The following TNRC6A variants were observed in gnomAD, a reference collection of about 807,000 sequenced individuals.
The protein encoded by TNRC6A is trinucleotide repeat containing adaptor 6A.
A neutral mutation model predicts 221.2 loss-of-function variants in TNRC6A; 44 were observed. The ratio of observed to expected loss-of-function variants is 0.20; its 90% CI spans 0.16 to 0.26. The LOEUF is 0.26. Among genes scored for constraint, TNRC6A ranks in the 10% least tolerant of loss-of-function variants. The pLI is 1.00. For missense variants in TNRC6A, 2,199 were observed against 2,404.4 expected, an observed-to-expected ratio of 0.91 and a Z score of 1.79; for synonymous variants, 847 against 838.5, an observed-to-expected ratio of 1.01 and a Z score of -0.18.
chr16:24,637,933 C>T (rs1042985621), intron 1 of TNRC6A, among the ~76,000 whole-genome samples: 7 of 152,088 alleles, frequency 4.6e-5, no homozygotes, highest in South Asian at 2.1e-4. Flanking sequence ...TACCAGCTCG[C>T]GCCACCACAC....
At chr16:24,696,214 G>A (rs547693812) in intron 2 of TNRC6A, among the ~76,000 whole-genome samples, 2 of 152,084 alleles carry the variant, frequency 1.3e-5, no homozygotes, top group Non-Finnish European at 2.9e-5. Context: ...TGGGCGTGGT[G>A]GCGGGCGCCT....
At chr16:24,645,520 C>T (rs1264869645) in intron 2 of TNRC6A, among the ~76,000 whole-genome samples, 3 of 150,808 alleles carry the variant, frequency 2.0e-5, no homozygotes, top group African/African-American at 7.3e-5. Context: ...AAAACAAAAA[C>T]CTACTTCTGT....
Position 24,791,813 on chromosome 16 carries a change from C to G in TNRC6A, c.3171C>G (p.Gly1057=). Residue 1057 remains glycine (G), a synonymous_variant, in exon 6 of 25, where the codon GGC becomes GGG. Coordinates refer to ENST00000395799, the MANE Select transcript of TNRC6A (RefSeq NM_014494.4). ...SAISNKEASS[G]SGWGEPWGEP... is the part of the protein sequence containing the mutation. ...TCTCAAACAAAGAGGCAAGCAGTGG[C>G]TCTGGTAAGTTTCTATTTTATGAAA... 6.5e-7 allele frequency: 1 copy of G among 1,528,112 alleles called. No individual in the cohort carries two copies. Among genetic ancestry groups the G allele is most frequent in the Non-Finnish European group, 8.7e-7 (1 of 1,143,048 alleles). 94.7% of individuals were successfully genotyped at this position (1,528,112 alleles called of 1,614,324 possible).
Position 24,809,492 on chromosome 16 carries a change from TAC to T in TNRC6A, c.4672+13_4672+14del. The T allele has an allele frequency of 7.3e-7, 1 of 1,370,688 alleles. No individual in the cohort carries two copies. Among genetic ancestry groups the T allele is most frequent in the East Asian group, 2.6e-5 (1 of 38,514 alleles). The allele number at this position is 1,370,688 out of a possible 1,614,324, so 84.9% of individuals were successfully genotyped here. A position where few individuals can be genotyped will look rare whatever the true frequency, so the allele number is the denominator to read the frequency against. ...ACTCCAGCAAACATGGTACAAAAGA[TAC>T]ATCTTACCAAAAAAAAAAAAAAAAC... On this transcript the variant is annotated intron_variant, in intron 18 of 24. Transcript: ENST00000395799.
chr16:24,750,796 G>A lies in TNRC6A; in HGVS notation c.124G>A (p.Glu42Lys), dbSNP rs1567422876. Residue 42 changes from glutamate (E) to lysine (K), a missense_variant, in exon 3 of 25, where the codon GAA (glutamate) becomes AAA (lysine). Physicochemically the swap from Glu to Lys is moderately conservative, Grantham distance 56 (BLOSUM62 1). Coordinates refer to ENST00000395799, the MANE Select transcript of TNRC6A (RefSeq NM_014494.4). Reference protein sequence around the residue: ...KKKKDDKKKKEAAQKKATEQK... With the variant: ...KKKKDDKKKKKAAQKKATEQK... ...GAAAAAAGACGACAAGAAAAAGAAG[G>A]AAGCTGCTCAAAAGAAGGTAGTATG... 1 of 1,561,658 alleles carries A rather than the reference G, an allele frequency of 6.4e-7. No individual in the cohort carries two copies.
At chr16:24,821,268 C>T (rs2152111576) in intron 22 of TNRC6A, among the ~76,000 whole-genome samples, 1 of 152,278 alleles carries the variant, frequency 6.6e-6, no homozygotes, top group East Asian at 1.9e-4. Flanking sequence ...AGACTGGCAG[C>T]ACACAGCGAG....
rs1279345422 is a variant in TNRC6A at position 24,790,124 on chromosome 16, G to A, written c.1482G>A (p.Gln494=). Residue 494 remains glutamine, a synonymous_variant, in exon 6 of 25, where the codon CAG becomes CAA. Coordinates refer to ENST00000395799, the MANE Select transcript of TNRC6A (RefSeq NM_014494.4). Reference sequence around the variant, plus strand: ...GCACAATGAATCATCCTCAGATGCAGGCTCCATCAGGTATGAATGGCACTT... The same window carrying A: ...GCACAATGAATCATCCTCAGATGCAAGCTCCATCAGGTATGAATGGCACTT... ...RVSTMNHPQM[Q]APSGMNGTSL... The A allele has an allele frequency of 6.2e-7, 1 of 1,614,102 alleles. No homozygotes were observed. The highest frequency in any genetic ancestry group is 2.2e-5 in the East Asian group (1 of 44,894).
chr16:24,776,333 G>A (rs1340037340), intron 4 of TNRC6A: 11 of 984,220 alleles, frequency 1.1e-5, no homozygotes, highest in South Asian at 4.7e-5. Flanking sequence ...CATAGATAAC[G>A]TTATCTTTGT....
At chr16:24,804,553 T>C (rs1302114976) in intron 12 of TNRC6A, 152 bp from the exon 13 acceptor site, 14 of 1,270,826 alleles carry the variant, frequency 1.1e-5, no homozygotes, top group Admixed American at 2.7e-5. Context: ...TTGTGTGCTC[T>C]AGAATTAACA....
intron 1 of TNRC6A, chr16:24,610,627 A>G (rs1259169516): frequency 1.3e-5 from 2 of 152,260 alleles, no homozygotes; most frequent in African/African-American, 2.4e-5. Context: ...GCCCTGCCAA[A>G]CAGACGCAGC....
chr16:24,732,140 A>G (rs1246109531), intron 2 of TNRC6A, among the ~76,000 whole-genome samples: 2 of 152,242 alleles, frequency 1.3e-5, no homozygotes, highest in Non-Finnish European at 2.9e-5. Context: ...GGCAGTGTGT[A>G]CTAAGGATCC....
intron 1 of TNRC6A, among the ~76,000 whole-genome samples, chr16:24,625,795 C>G (rs2141634556): frequency 6.6e-6 from 1 of 150,990 alleles, no homozygotes; most frequent in Non-Finnish European, 1.5e-5. Context: ...GCTTGTAATC[C>G]CAGCTACTCA....
intron 2 of TNRC6A, among the ~76,000 whole-genome samples, chr16:24,657,163 A>G (rs557224108): frequency 6.6e-6 from 1 of 151,630 alleles, no homozygotes; most frequent in East Asian, 2.0e-4. Flanking sequence ...AAAATACAAA[A>G]ATTAGCCAGG....
intron 3 of TNRC6A, among the ~76,000 whole-genome samples, chr16:24,753,465 G>C (rs2057181350): frequency 6.6e-6 from 1 of 152,192 alleles, no homozygotes; most frequent in African/African-American, 2.4e-5. Context: ...AAATTAGACT[G>C]TTCTCCAAAT....
intron 2 of TNRC6A, among the ~76,000 whole-genome samples, chr16:24,666,688 T>C (rs1398304507): frequency 1.4e-4 from 16 of 114,274 alleles, no homozygotes; most frequent in Non-Finnish European, 2.1e-4. Flanking sequence ...TATATATATA[T>C]ACATATGGCA....
upstream of TNRC6A, among the ~76,000 whole-genome samples, chr16:24,728,282 T>C (rs2056526627): frequency 6.6e-6 from 1 of 151,998 alleles, no homozygotes; most frequent in Non-Finnish European, 1.5e-5. Flanking sequence ...ACCCCGTCAT[T>C]ACTAAAAATA....
chr16:24,653,335 G>T (rs1372739521), intron 2 of TNRC6A, among the ~76,000 whole-genome samples: 5 of 152,084 alleles, frequency 3.3e-5, no homozygotes, highest in Non-Finnish European at 7.4e-5. Flanking sequence ...CTTCGGAATC[G>T]ATTTTTAAAA....
chr16:24,727,369 A>C (rs2056510086), upstream of TNRC6A, among the ~76,000 whole-genome samples: 2 of 152,170 alleles, frequency 1.3e-5, no homozygotes, highest in South Asian at 4.1e-4. Flanking sequence ...GCTGGGAATT[A>C]GTTCCAGGCT....
chr16:24,751,157 A>C (rs1413894613), intron 3 of TNRC6A, among the ~76,000 whole-genome samples: 1 of 152,240 alleles, frequency 6.6e-6, no homozygotes, highest in Non-Finnish European at 1.5e-5. Context: ...TCACTCTCCC[A>C]CATAGCACAT....
Sources: gnomAD v4.1 joint callset for allele counts (sites outside exome capture counted in the v4.1 genomes callset) on GRCh38, gnomAD v4.1.1 for gene constraint, MANE v1.5 for transcripts, NCBI Gene and HGNC (gene_info 2026-07-23, HGNC 2026-07-21) for gene names.